The following TEX11 variants were observed in gnomAD, a reference collection of about 807,000 sequenced individuals.
TEX11 encodes testis-expressed protein 11.
A neutral mutation model predicts 84.4 loss-of-function variants in TEX11; 7 were observed. The ratio of observed to expected loss-of-function variants is 0.08; its 90% CI spans 0.05 to 0.16. The LOEUF (loss-of-function observed/expected upper bound fraction) is 0.16, where lower values mean the gene tolerates loss of function less well. TEX11 is among the 10% of genes least tolerant of loss of function. The pLI, the probability that TEX11 is intolerant of heterozygous loss-of-function variation, is 1.00. For synonymous variants in TEX11, 264 were observed against 222.8 expected (o/e 1.18, Z -1.64); for missense variants, 551 against 660.5 (o/e 0.83, Z 1.82).
intron 9 of TEX11, among the ~76,000 whole-genome samples, chrX:70,770,499 C>T (rs763240991): frequency 9.0e-6 from 1 of 110,812 alleles, no homozygotes; most frequent in African/African-American, 3.3e-5. Context: ...GTGGGTGCAG[C>T]GCACCAGCAT....
chrX:70,681,970 C>G (rs759659396), intron 14 of TEX11, among the ~76,000 whole-genome samples: 1 of 111,682 alleles, frequency 9.0e-6, no homozygotes, highest in Non-Finnish European at 1.9e-5. Flanking sequence ...GAAAGCAACA[C>G]GTCACCTAAA....
At chrX:70,637,650 C>G (rs2089591411) in intron 17 of TEX11, among the ~76,000 whole-genome samples, 2 of 111,531 alleles carry the variant, frequency 1.8e-5, no homozygotes, top group South Asian at 7.5e-4. Flanking sequence ...CCTCAGCAAA[C>G]TAATGCAGGA....
intron 8 of TEX11, among the ~76,000 whole-genome samples, chrX:70,830,043 ACT>A (rs1377295987): frequency 9.0e-6 from 1 of 110,757 alleles, no homozygotes; most frequent in Non-Finnish European, 1.9e-5. Context: ...AATAGACTAA[ACT>A]CTCCAATCAA....
intron 25 of TEX11, among the ~76,000 whole-genome samples, chrX:70,583,057 T>C (rs1569340126): frequency 9.0e-6 from 1 of 111,263 alleles, no homozygotes; most frequent in Non-Finnish European, 1.9e-5. Flanking sequence ...TTTAAATAGG[T>C]AACCAAGTAT....
intron 13 of TEX11, among the ~76,000 whole-genome samples, chrX:70,714,459 T>G (rs1458684772): frequency 1.8e-5 from 2 of 111,735 alleles, no homozygotes; most frequent in East Asian, 5.6e-4. Flanking sequence ...GGACTTGCTT[T>G]ATGAATCTGG....
intron 27 of TEX11, among the ~76,000 whole-genome samples, 168 bp from the exon 28 acceptor site, chrX:70,552,414 G>A (rs1413164880): frequency 8.9e-6 from 1 of 112,325 alleles, no homozygotes; most frequent in African/African-American, 3.2e-5. Flanking sequence ...TTTTGAAGCT[G>A]TAAAACAGGT....
At chrX:70,655,459 T>C (rs1473499250) in intron 16 of TEX11, among the ~76,000 whole-genome samples, 1 of 111,810 alleles carries the variant, frequency 8.9e-6, no homozygotes, top group Non-Finnish European at 1.9e-5. Context: ...CCATCATAAG[T>C]TGTAGATGCC....
intron 16 of TEX11, among the ~76,000 whole-genome samples, chrX:70,658,042 T>A (rs1603201074): frequency 9.3e-6 from 1 of 108,066 alleles, no homozygotes; most frequent in East Asian, 2.9e-4. Flanking sequence ...AACCTGCACA[T>A]TGTGCACATG....
At chrX:70,781,117 T>C (rs2091036434) in intron 9 of TEX11, among the ~76,000 whole-genome samples, 1 of 111,654 alleles carries the variant, frequency 9.0e-6, no homozygotes, top group African/African-American at 3.3e-5. Flanking sequence ...AGAGAAAGGA[T>C]CAGGCAGCAA....
At chrX:70,680,140 G>C (rs1448608302) in intron 14 of TEX11, among the ~76,000 whole-genome samples, 2 of 65,403 alleles carry the variant, frequency 3.1e-5, no homozygotes, top group African/African-American at 1.1e-4. Flanking sequence ...GGAATAGAAA[G>C]GGGGGAAAGG....
At chrX:70,806,210 G>A (rs1293274466) in intron 9 of TEX11, among the ~76,000 whole-genome samples, 2 of 111,996 alleles carry the variant, frequency 1.8e-5, no homozygotes, top group African/African-American at 6.5e-5. Flanking sequence ...ATCCCAGCAC[G>A]TTGAGAGACC....
rs1370104099 is a variant in TEX11, at chrX:70,681,968, C to G, written c.1156+706G>C. Reference sequence around the variant, plus strand: ...TGGTAGAGTATTTAGAAGAAAGCAACACGTCACCTAAAATGCCACCATTCA... The same window carrying G: ...TGGTAGAGTATTTAGAAGAAAGCAAGACGTCACCTAAAATGCCACCATTCA... On this transcript the variant is annotated intron_variant, in intron 14 of 29. Coordinates refer to ENST00000374333, the MANE Select transcript of TEX11 (RefSeq NM_031276.3). Among the ~76,000 whole-genome samples, 14 of 111,696 alleles carry G rather than the reference C, an allele frequency of 1.3e-4. No homozygotes were observed. The Admixed American group carries it at 1.3e-3, about 11-fold the overall frequency.
intron 9 of TEX11, among the ~76,000 whole-genome samples, chrX:70,767,461 C>A (rs935746701): frequency 5.4e-5 from 6 of 111,602 alleles, no homozygotes; most frequent in Non-Finnish European, 9.4e-5. Context: ...CAGGCAATAA[C>A]AAATGCTGGT....
chrX:70,810,411 A>G lies in TEX11; in HGVS notation c.607-3621T>C, dbSNP rs193127248. ...ACCAACCCAAATGCCCATCAATGAT[A>G]GACTGGATAAAGAAAATGTGGCACA... is the stretch of plus-strand genomic sequence containing the variant. On this transcript the variant is annotated intron_variant, in intron 8 of 29. Transcript: ENST00000374333. Among the ~76,000 whole-genome samples the G allele has an allele frequency of 3.6e-5, 4 of 112,365 alleles. No individual in the cohort carries two copies. In the Admixed American group the frequency reaches 3.8e-4, roughly 11 times the overall value.
chrX:70,572,285 TC>T (rs904619236), intron 25 of TEX11, among the ~76,000 whole-genome samples: 4 of 111,145 alleles, frequency 3.6e-5, no homozygotes, highest in African/African-American at 1.3e-4. Context: ...GAAATGCAAA[TC>T]AAAACCACAA....
At chrX:70,848,006 T>C (rs1158649033) in intron 7 of TEX11, among the ~76,000 whole-genome samples, 1 of 111,887 alleles carries the variant, frequency 8.9e-6, no homozygotes, top group Non-Finnish European at 1.9e-5. Flanking sequence ...ATGTCTCCTG[T>C]ATCTGTCCCT....
intron 20 of TEX11, 152 bp from the exon 21 acceptor site, chrX:70,610,695 A>C (rs1424179859): frequency 2.0e-6 from 1 of 491,640 alleles, no homozygotes. Flanking sequence ...CCATTTCAAC[A>C]ATCTTCTTCC....
chrX:70,787,810 A>T, intron 9 of TEX11, among the ~76,000 whole-genome samples: 1 of 111,954 alleles, frequency 8.9e-6, no homozygotes, highest in Middle Eastern at 4.6e-3. Context: ...AAGAATGAAT[A>T]AAAAAATACA....
intron 4 of TEX11, among the ~76,000 whole-genome samples, chrX:70,872,844 T>C (rs1238771347): frequency 1.8e-5 from 2 of 112,112 alleles, no homozygotes; most frequent in Admixed American, 9.5e-5. Context: ...CTATTATTAA[T>C]AGAGGGGAAA....
Sources: gnomAD v4.1 joint callset for allele counts (sites outside exome capture counted in the v4.1 genomes callset) on GRCh38, gnomAD v4.1.1 for gene constraint, MANE v1.5 for transcripts, NCBI Gene and HGNC (gene_info 2026-07-23, HGNC 2026-07-21) for gene names.